NHSL1: variants seen among roughly 807,000 people sequenced by gnomAD.
NHSL1 encodes the protein NHS like 1, also known as NHS-like protein 1.
In NHSL1, 48 loss-of-function variants were observed where a neutral mutation model predicts 95.0. The observed-to-expected ratio is 0.51, with a 90% CI of 0.40 to 0.64. The LOEUF (loss-of-function observed/expected upper bound fraction) is 0.64. Among genes scored for constraint, NHSL1 ranks in the 30% least tolerant of loss-of-function variants. NHSL1 has a pLI of 0.00. For missense variants in NHSL1, 1,971 were observed against 2,077.7 expected (o/e 0.95, Z 1.00); for synonymous variants, 783 against 833.9 (o/e 0.94, Z 1.05).
At chr6:138,575,150 C>T (rs570953439), upstream of NHSL1, among the ~76,000 whole-genome samples, 3 of 152,226 alleles carry the variant, frequency 2.0e-5, no homozygotes, top group East Asian at 1.9e-4. Context: ...CTGTCTGCCT[C>T]GGCCTCCCAA....
At chr6:138,440,571 G>A (rs1776465033) in intron 5 of NHSL1, among the ~76,000 whole-genome samples, 1 of 151,816 alleles carries the variant, frequency 6.6e-6, no homozygotes, top group South Asian at 2.1e-4. Context: ...TGCGGCAAAG[G>A]CAGAGCATTG....
chr6:138,649,926 A>G (rs6930054), intron 1 of NHSL1, among the ~76,000 whole-genome samples: 13,328 of 152,130 alleles, frequency 0.088, 673 homozygotes, highest in African/African-American at 0.14. Context: ...GCCATTCTCC[A>G]GCCCTCTGCA....
chr6:138,594,883 A>G (rs536826052), intron 1 of NHSL1, among the ~76,000 whole-genome samples: 42 of 152,350 alleles, frequency 2.8e-4, no homozygotes, highest in Non-Finnish European at 5.9e-4. Context: ...GGAGTGCACC[A>G]CAAAATCGTT....
At chr6:138,606,647 C>A (rs113159114) in intron 1 of NHSL1, among the ~76,000 whole-genome samples, 1 of 151,804 alleles carries the variant, frequency 6.6e-6, no homozygotes, top group Admixed American at 6.6e-5. Context: ...CTTTTTGTGA[C>A]TGGCAGTGTC....
chr6:138,465,729 T>C (rs557470215), intron 3 of NHSL1, among the ~76,000 whole-genome samples: 23 of 138,072 alleles, frequency 1.7e-4, no homozygotes, highest in East Asian at 7.8e-4. Flanking sequence ...CTTTTCTTTT[T>C]TTTTTTTTTT....
intron 4 of NHSL1, among the ~76,000 whole-genome samples, chr6:138,443,030 T>C (rs1452721933): frequency 1.3e-5 from 2 of 150,606 alleles, no homozygotes; most frequent in Non-Finnish European, 2.9e-5. Context: ...TACATATATA[T>C]ATACACATAT....
intron 3 of NHSL1, among the ~76,000 whole-genome samples, chr6:138,466,804 C>A (rs1355507814): frequency 6.6e-6 from 1 of 152,028 alleles, no homozygotes; most frequent in Non-Finnish European, 1.5e-5. Context: ...AAATATGAGG[C>A]CCGGCTCAGT....
intron 1 of NHSL1, among the ~76,000 whole-genome samples, chr6:138,624,028 GAGT>G (rs1784702159): frequency 6.6e-6 from 1 of 152,172 alleles, no homozygotes; most frequent in Non-Finnish European, 1.5e-5. Context: ...GTGGAACTGT[GAGT>G]CAGTTAAGCC....
At chr6:138,586,433 T>C (rs375245121) in intron 1 of NHSL1, among the ~76,000 whole-genome samples, 7 of 152,206 alleles carry the variant, frequency 4.6e-5, no homozygotes, top group South Asian at 2.1e-4. Flanking sequence ...ACATCAGTTA[T>C]TCAGCACATA....
Position 138,504,573 on chromosome 6 carries a change from T to C in NHSL1, c.17-8202A>G, listed in dbSNP as rs143409167. Among the ~76,000 whole-genome samples, 192 of 152,254 alleles carry C rather than the reference T, an allele frequency of 1.3e-3. 1 individual carries two copies. Among genetic ancestry groups the C allele is most frequent in the African/African-American group, 4.4e-3 (184 of 41,558 alleles). ...TCGGTGAAAGCTCATGGGACAGCCCTGTGGGGAAAGGTGGTGGGGAAGATG... is the reference window on the plus strand; with the variant it reads ...TCGGTGAAAGCTCATGGGACAGCCCCGTGGGGAAAGGTGGTGGGGAAGATG... On this transcript the variant is annotated intron_variant, in intron 1 of 4. Coordinates refer to the NHSL1 transcript ENST00000342260.
At chr6:138,573,160 G>A (rs1356631449), upstream of NHSL1, among the ~76,000 whole-genome samples, 2 of 152,118 alleles carry the variant, frequency 1.3e-5, no homozygotes, top group East Asian at 1.9e-4. Flanking sequence ...AGAGAGCTAC[G>A]CTAGTGGCAC....
intron 1 of NHSL1, among the ~76,000 whole-genome samples, chr6:138,526,911 C>A (rs1781927161): frequency 6.6e-6 from 1 of 152,184 alleles, no homozygotes. Context: ...TGAACAGAAT[C>A]CATCTTGATA....
intron 1 of NHSL1, among the ~76,000 whole-genome samples, chr6:138,647,345 T>C (rs1486616444): frequency 6.6e-6 from 1 of 152,222 alleles, no homozygotes; most frequent in Non-Finnish European, 1.5e-5. Flanking sequence ...TATCTTGATG[T>C]TTCTTGATGA....
chr6:138,649,520 T>C (rs1388629225), intron 1 of NHSL1, among the ~76,000 whole-genome samples: 1 of 151,864 alleles, frequency 6.6e-6, no homozygotes, highest in Admixed American at 6.6e-5. Flanking sequence ...TACTATGAAC[T>C]GGACAGGACT....
chr6:138,674,405 A>C (rs1785421000), intron 1 of NHSL1, among the ~76,000 whole-genome samples: 1 of 152,036 alleles, frequency 6.6e-6, no homozygotes, highest in African/African-American at 2.4e-5. Context: ...TGCTGCACCT[A>C]ACAACCCATC....
intron 1 of NHSL1, among the ~76,000 whole-genome samples, chr6:138,515,673 GGAA>G (rs1249530155): frequency 6.6e-6 from 1 of 152,186 alleles, no homozygotes; most frequent in Admixed American, 6.5e-5. Context: ...TCTATTGGAC[GGAA>G]GAAGACAGAA....
chr6:138,469,255 C>T (rs1778594134), intron 3 of NHSL1, among the ~76,000 whole-genome samples: 1 of 152,180 alleles, frequency 6.6e-6, no homozygotes, highest in African/African-American at 2.4e-5. Flanking sequence ...ACGTACTATG[C>T]GGATGCACAC....
chr6:138,665,675 T>C (rs1181446532), intron 1 of NHSL1, among the ~76,000 whole-genome samples: 4 of 152,226 alleles, frequency 2.6e-5, no homozygotes, highest in African/African-American at 4.8e-5. Context: ...CCATTATTAC[T>C]ATACAAATAT....
At position 138,682,753 on chromosome 6, in the gene NHSL1, G is replaced by T. The variant is rs567154660; in HGVS notation, c.96+9723C>A. Among the ~76,000 whole-genome samples the T allele has an allele frequency of 4.5e-4, 69 of 152,286 alleles. 2 individuals carry two copies. The highest frequency in any genetic ancestry group is 3.4e-3 in the Middle Eastern group (1 of 294). The stretch of plus-strand genomic sequence containing the variant: ...GGAATCACCTGGGGGTCCTTGCTAG[G>T]GAGGTCTGTTCCTGGCCTCACCCGG... On this transcript the variant is annotated intron_variant, in intron 1 of 3. Coordinates refer to the NHSL1 transcript ENST00000491526.
Sources: allele counts gnomAD v4.1 joint callset (sites outside exome capture counted in the v4.1 genomes callset), GRCh38; gene constraint gnomAD v4.1.1; transcripts MANE v1.5; gene names NCBI Gene and HGNC (gene_info 2026-07-23, HGNC 2026-07-21).